Variants in DLC1 observed in about 807,000 individuals in gnomAD.
DLC1 encodes the protein rho GTPase-activating protein 7.
A neutral mutation model predicts 140.3 loss-of-function variants in DLC1; 54 were observed. That is an observed-to-expected ratio of 0.38 (90% CI 0.31 to 0.48). The LOEUF is 0.48. Ranked by LOEUF, DLC1 falls within the 20% of genes least tolerant of loss-of-function variation. The pLI is 0.96. For synonymous variants in DLC1, 986 were observed against 728.1 expected, an observed-to-expected ratio of 1.35 and a Z score of -5.70; for missense variants, 2,536 against 1,907.0, an observed-to-expected ratio of 1.33 and a Z score of -6.14.
At chr8:13,123,883 C>G (rs1255704276) in intron 5 of DLC1, among the ~76,000 whole-genome samples, 1 of 152,066 alleles carries the variant, frequency 6.6e-6, no homozygotes, top group African/African-American at 2.4e-5. Flanking sequence ...ATTTTTCTGA[C>G]CAGGATCCCC....
At chr8:13,301,817 C>G (rs964234811) in intron 5 of DLC1, among the ~76,000 whole-genome samples, 1 of 152,194 alleles carries the variant, frequency 6.6e-6, no homozygotes, top group African/African-American at 2.4e-5. Flanking sequence ...AGCATGAACC[C>G]TGTTGTGAAC....
At chr8:13,275,243 A>G (rs1430166885) in intron 5 of DLC1, among the ~76,000 whole-genome samples, 3 of 152,238 alleles carry the variant, frequency 2.0e-5, no homozygotes, top group Non-Finnish European at 4.4e-5. Context: ...GCTTTATCAC[A>G]ATCGCACACT....
intron 2 of DLC1, among the ~76,000 whole-genome samples, chr8:13,498,447 C>T (rs976489557): frequency 2.6e-5 from 4 of 152,066 alleles, no homozygotes; most frequent in Admixed American, 1.3e-4. Flanking sequence ...TTCTGGTTGA[C>T]AGTTAAGTAA....
At chr8:13,465,992 C>T (rs565018150) in intron 2 of DLC1, among the ~76,000 whole-genome samples, 78 of 152,276 alleles carry the variant, frequency 5.1e-4, no homozygotes, top group African/African-American at 1.8e-3. Context: ...TATACAACCA[C>T]CTCCTGGTGA....
intron 5 of DLC1, among the ~76,000 whole-genome samples, chr8:13,132,205 CTGTGTGTGTGTGTGTGTGTG>C (rs147699066): frequency 2.2e-5 from 3 of 139,210 alleles, no homozygotes; most frequent in South Asian, 5.0e-4. Flanking sequence ...AAAACCAAAA[CTGTGTGTGTGTGTGTGTGTG>C]TGTGTGTGTG....
intron 2 of DLC1, among the ~76,000 whole-genome samples, chr8:13,449,479 C>A (rs1372984092): frequency 6.6e-6 from 1 of 152,116 alleles, no homozygotes; most frequent in Non-Finnish European, 1.5e-5. Flanking sequence ...CTATAGGATG[C>A]ATCATTGGCA....
chr8:13,129,137 T>C (rs987631629), intron 5 of DLC1, among the ~76,000 whole-genome samples: 4 of 152,186 alleles, frequency 2.6e-5, no homozygotes, highest in African/African-American at 4.8e-5. Context: ...AATTTGAAGC[T>C]GAAAGAAAAC....
chr8:13,242,373 A>G (rs1585987285), intron 5 of DLC1, among the ~76,000 whole-genome samples: 1 of 151,268 alleles, frequency 6.6e-6, no homozygotes, highest in African/African-American at 2.4e-5. Context: ...GAAAAGAAAA[A>G]AGAAAATATC....
chr8:13,315,573 C>T (rs1036478654), intron 4 of DLC1, among the ~76,000 whole-genome samples: 4 of 152,170 alleles, frequency 2.6e-5, no homozygotes, highest in African/African-American at 9.6e-5. Context: ...CAATTGCCTG[C>T]GTTTGATAAC....
At chr8:13,530,727 T>C (rs1374961938) in intron 1 of DLC1, among the ~76,000 whole-genome samples, 1 of 152,220 alleles carries the variant, frequency 6.6e-6, no homozygotes, top group Admixed American at 6.5e-5. Context: ...TACTCATATT[T>C]TAATAAGCAA....
intron 5 of DLC1, among the ~76,000 whole-genome samples, chr8:13,159,802 GGCAAGAA>G: frequency 6.6e-6 from 1 of 151,522 alleles, no homozygotes; most frequent in Non-Finnish European, 1.5e-5. Context: ...AAGGGCAAGT[GGCAAGAA>G]GCAAGAAGGT....
chr8:13,439,037 C>T (rs1839243658), intron 2 of DLC1, among the ~76,000 whole-genome samples: 1 of 152,156 alleles, frequency 6.6e-6, no homozygotes, highest in South Asian at 2.1e-4. Flanking sequence ...TTCATAAAAA[C>T]AGGCAGAGGC....
chr8:13,136,662 G>A (rs922690722), intron 5 of DLC1, among the ~76,000 whole-genome samples: 1 of 152,160 alleles, frequency 6.6e-6, no homozygotes, highest in Non-Finnish European at 1.5e-5. Context: ...AGCCTCCCAA[G>A]TAGCTGGCAC....
chr8:13,452,053 T>C (rs2116974542), intron 2 of DLC1, among the ~76,000 whole-genome samples: 1 of 152,248 alleles, frequency 6.6e-6, no homozygotes, highest in South Asian at 2.1e-4. Context: ...GTCTGGCTTG[T>C]TTTAGCTGCA....
intron 2 of DLC1, among the ~76,000 whole-genome samples, chr8:13,445,282 C>T (rs1798726204): frequency 6.6e-6 from 1 of 152,126 alleles, no homozygotes; most frequent in South Asian, 2.1e-4. Flanking sequence ...CATCTTTAAC[C>T]AGGGAACAGA....
chr8:13,309,409 C>T (rs919447297), intron 4 of DLC1, among the ~76,000 whole-genome samples: 4 of 152,136 alleles, frequency 2.6e-5, no homozygotes, highest in African/African-American at 9.7e-5. Context: ...TGTTGAGACC[C>T]TTTAATAGTT....
chr8:13,156,359 C>G (rs1019583481), intron 5 of DLC1, among the ~76,000 whole-genome samples: 1 of 152,114 alleles, frequency 6.6e-6, no homozygotes, highest in Non-Finnish European at 1.5e-5. Context: ...TTTCTTCCTG[C>G]TGTGCTAAAT....
chr8:13,444,066 T>G (rs1489519331), intron 2 of DLC1, among the ~76,000 whole-genome samples: 1 of 152,160 alleles, frequency 6.6e-6, no homozygotes, highest in Non-Finnish European at 1.5e-5. Context: ...GCAAAAATAT[T>G]TCAGAATCAT....
intron 5 of DLC1, among the ~76,000 whole-genome samples, chr8:13,163,871 G>C (rs918949928): frequency 3.3e-5 from 5 of 152,106 alleles, no homozygotes; most frequent in African/African-American, 9.7e-5. Context: ...GCCAAGTATT[G>C]TGATGCATGC....
Sources: allele counts gnomAD v4.1 joint callset (sites outside exome capture counted in the v4.1 genomes callset), GRCh38; gene constraint gnomAD v4.1.1; transcripts MANE v1.5; gene names NCBI Gene and HGNC (gene_info 2026-07-23, HGNC 2026-07-21).